Variants in PPM1H observed in about 807,000 individuals in gnomAD.
PPM1H encodes the protein protein phosphatase, Mg2+/Mn2+ dependent 1H.
In PPM1H, 27 loss-of-function variants were observed where a neutral mutation model predicts 54.9. The ratio of observed to expected loss-of-function variants is 0.49; its 90% CI spans 0.36 to 0.68. The LOEUF is 0.68. Ranked by LOEUF, PPM1H falls within the 30% of genes least tolerant of loss-of-function variation. PPM1H has a pLI of 0.00. For missense variants in PPM1H, 596 were observed against 667.8 expected (o/e 0.89, Z 1.19); for synonymous variants, 305 against 270.8 (o/e 1.13, Z -1.24).
At chr12:62,876,258 T>C (rs1447399878) in intron 1 of PPM1H, among the ~76,000 whole-genome samples, 4 of 152,122 alleles carry the variant, frequency 2.6e-5, no homozygotes, top group Non-Finnish European at 5.9e-5. Context: ...AGTTAAACTA[T>C]CAGAAAGACA....
intron 4 of PPM1H, among the ~76,000 whole-genome samples, chr12:62,740,473 G>A (rs1246001681): frequency 6.6e-6 from 1 of 152,158 alleles, no homozygotes; most frequent in East Asian, 1.9e-4. Context: ...TTCTGTCTCA[G>A]TATTCTCCCT....
At chr12:62,896,490 T>C (rs949744973) in intron 1 of PPM1H, among the ~76,000 whole-genome samples, 2 of 152,048 alleles carry the variant, frequency 1.3e-5, no homozygotes, top group South Asian at 2.1e-4. Context: ...CCAACAGACA[T>C]ATGAAAAAAT....
intron 7 of PPM1H, 36 bp from the exon 8 acceptor site, chr12:62,689,842 A>G: frequency 6.9e-7 from 1 of 1,449,160 alleles, no homozygotes; most frequent in Non-Finnish European, 9.6e-7. Context: ...AGAAACACGC[A>G]CACAGTGAAA....
Position 62,801,894 on chromosome 12 carries a change from G to C in PPM1H, c.678C>G (p.Pro226=), listed in dbSNP as rs375621486. The change falls in exon 3 of 10, where the codon CCC becomes CCG. Residue 226 remains proline, a synonymous_variant. Coordinates refer to ENST00000228705, the MANE Select transcript of PPM1H (RefSeq NM_020700.2). ...VGAPGSPSTP[P]TRFFTEKKIP... is the part of the protein sequence containing the mutation. ...TCTTCTTCTCGGTAAAGAAGCGTGT[G>C]GGGGGCGTGCTGGGGGAGCCCGGGG... The C allele has an allele frequency of 6.2e-5, 100 of 1,613,666 alleles. 1 individual carries two copies. The highest frequency in any genetic ancestry group is 1.6e-4 in the Middle Eastern group (1 of 6,084).
intron 8 of PPM1H, among the ~76,000 whole-genome samples, chr12:62,677,714 G>T (rs1483861482): frequency 1.3e-5 from 2 of 152,204 alleles, no homozygotes; most frequent in African/African-American, 4.8e-5. Context: ...GGCTGAGTGG[G>T]CAGAACAGGC....
chr12:62,694,534 A>G (rs1166618311), intron 6 of PPM1H, among the ~76,000 whole-genome samples: 2 of 152,228 alleles, frequency 1.3e-5, no homozygotes, highest in Non-Finnish European at 2.9e-5. Context: ...TAGCCACTCA[A>G]TACACAGAAA....
intron 8 of PPM1H, among the ~76,000 whole-genome samples, chr12:62,671,053 C>A (rs371963647): frequency 6.6e-6 from 1 of 152,214 alleles, no homozygotes; most frequent in Non-Finnish European, 1.5e-5. Flanking sequence ...AAGGATTCCA[C>A]TGGGCTCCGG....
intron 4 of PPM1H, among the ~76,000 whole-genome samples, chr12:62,757,797 A>T (rs974398207): frequency 1.3e-5 from 2 of 152,250 alleles, no homozygotes; most frequent in Non-Finnish European, 2.9e-5. Context: ...AATGTTTAGC[A>T]TCAGTCAGTA....
chr12:62,889,339 AAG>A (rs1486146551), intron 1 of PPM1H, among the ~76,000 whole-genome samples: 1 of 152,140 alleles, frequency 6.6e-6, no homozygotes, highest in Non-Finnish European at 1.5e-5. Flanking sequence ...AAGAAGAACA[AAG>A]AGGGCTGACA....
intron 4 of PPM1H, among the ~76,000 whole-genome samples, chr12:62,768,420 C>T (rs1448432920): frequency 6.6e-6 from 1 of 152,090 alleles, no homozygotes; most frequent in Non-Finnish European, 1.5e-5. Flanking sequence ...TTTTGGGAGG[C>T]CAAGGTGGGC....
At chr12:62,677,066 A>T (rs1206720781) in intron 8 of PPM1H, among the ~76,000 whole-genome samples, 1 of 152,126 alleles carries the variant, frequency 6.6e-6, no homozygotes, top group Non-Finnish European at 1.5e-5. Context: ...TCACAGAGAC[A>T]ATGGGACAAC....
intron 6 of PPM1H, among the ~76,000 whole-genome samples, chr12:62,704,804 C>T (rs73127931): frequency 1.1e-4 from 17 of 152,292 alleles, no homozygotes; most frequent in Non-Finnish European, 1.6e-4. Context: ...GCTCTGGTCC[C>T]CGACAATGCA....
chr12:62,873,094 T>C (rs892317596), intron 1 of PPM1H, among the ~76,000 whole-genome samples: 9 of 152,220 alleles, frequency 5.9e-5, no homozygotes, highest in African/African-American at 2.2e-4. Flanking sequence ...ACCTGGTTAG[T>C]GGCAGGGTTA....
intron 4 of PPM1H, among the ~76,000 whole-genome samples, chr12:62,747,647 T>C (rs1473754416): frequency 2.0e-5 from 3 of 152,228 alleles, no homozygotes; most frequent in Admixed American, 2.0e-4. Flanking sequence ...TAAAAGCCCA[T>C]GTTCTGCCAG....
chr12:62,887,603 T>C (rs1743840922), intron 1 of PPM1H, among the ~76,000 whole-genome samples: 1 of 152,230 alleles, frequency 6.6e-6, no homozygotes, highest in South Asian at 2.1e-4. Flanking sequence ...CCAAGGACCC[T>C]GCTCTCATGG....
chr12:62,799,219 C>G (rs545225510), intron 3 of PPM1H, among the ~76,000 whole-genome samples: 12 of 152,196 alleles, frequency 7.9e-5, no homozygotes, highest in African/African-American at 2.9e-4. Flanking sequence ...TCTGAATGAA[C>G]CTTTCTTTGC....
intron 6 of PPM1H, among the ~76,000 whole-genome samples, chr12:62,718,815 G>A (rs1369987715): frequency 6.6e-6 from 1 of 152,180 alleles, no homozygotes; most frequent in Non-Finnish European, 1.5e-5. Context: ...GGGTTGGTAT[G>A]ATGACCCTGG....
chr12:62,832,416 C>G (rs999356374), intron 1 of PPM1H, 137 bp from the exon 2 acceptor site: 1 of 788,458 alleles, frequency 1.3e-6, no homozygotes, highest in Non-Finnish European at 1.9e-6. Flanking sequence ...ACATTATGGT[C>G]TTGGTATTTT....
chr12:62,672,439 G>T (rs937439023), intron 8 of PPM1H, among the ~76,000 whole-genome samples: 1 of 152,170 alleles, frequency 6.6e-6, no homozygotes, highest in African/African-American at 2.4e-5. Flanking sequence ...TCTTCTAAAA[G>T]ACTAGATATT....
Sources: allele counts gnomAD v4.1 joint callset (sites outside exome capture counted in the v4.1 genomes callset), GRCh38; gene constraint gnomAD v4.1.1; transcripts MANE v1.5; gene names NCBI Gene and HGNC (gene_info 2026-07-23, HGNC 2026-07-21).